CSMD1: variants seen among roughly 807,000 people sequenced by gnomAD.
The protein encoded by CSMD1 is CUB and sushi domain-containing protein 1.
In CSMD1, 213 loss-of-function variants were observed where a neutral mutation model predicts 417.5. The ratio of observed to expected loss-of-function variants is 0.51; its 90% CI spans 0.46 to 0.57. The LOEUF is 0.57. CSMD1 is among the 20% of genes least tolerant of loss of function. The pLI is 0.00. For synonymous variants in CSMD1, 2,862 were observed against 1,736.8 expected (o/e 1.65, Z -16.11); for missense variants, 6,923 against 4,529.7 (o/e 1.53, Z -15.17).
Position 4,624,801 on chromosome 8 carries a change from A to T in CSMD1, c.302+12541T>A, listed in dbSNP as rs566670384. Among the ~76,000 whole-genome samples, 15 of 152,274 alleles carry T rather than the reference A, an allele frequency of 9.9e-5. 1 individual carries two copies. The South Asian group carries it at 2.5e-3, about 25-fold the overall frequency. Reference sequence around the variant, plus strand: ...AGTTTGTGACCCTAGTCAAGTCCAGAAAGTGACCCACACAGACCTCAGAGT... The same window carrying T: ...AGTTTGTGACCCTAGTCAAGTCCAGTAAGTGACCCACACAGACCTCAGAGT... On this transcript the variant is annotated intron_variant, in intron 2 of 69. Transcript: ENST00000635120.
chr8:3,839,747 A>G (rs1037770311), intron 5 of CSMD1, among the ~76,000 whole-genome samples: 66 of 151,078 alleles, frequency 4.4e-4, no homozygotes, highest in African/African-American at 1.5e-3. Context: ...TGTTAAACCC[A>G]TGAGTGCTGC....
At chr8:4,131,912 G>GCAACCACAC (rs1353392743) in intron 3 of CSMD1, among the ~76,000 whole-genome samples, 2 of 151,808 alleles carry the variant, frequency 1.3e-5, no homozygotes, top group Non-Finnish European at 2.9e-5. Context: ...ACAGGTGCCC[G>GCAACCACAC]CAACCACACC....
chr8:3,603,073 G>A (rs1016131473), intron 8 of CSMD1, among the ~76,000 whole-genome samples: 2 of 152,190 alleles, frequency 1.3e-5, no homozygotes, highest in African/African-American at 2.4e-5. Flanking sequence ...ACACAAATAT[G>A]ATCTGAAACA....
intron 3 of CSMD1, among the ~76,000 whole-genome samples, chr8:4,146,171 C>A (rs1011803631): frequency 2.7e-5 from 4 of 150,852 alleles, no homozygotes; most frequent in African/African-American, 9.9e-5. Flanking sequence ...GCCTCATACT[C>A]CGCTGGCCAA....
chr8:3,309,691 GCTTT>G (rs1805177659), intron 23 of CSMD1, among the ~76,000 whole-genome samples: 3 of 152,134 alleles, frequency 2.0e-5, no homozygotes, highest in South Asian at 2.1e-4. Context: ...AACTTTGAAT[GCTTT>G]CTTTTCTCAA....
chr8:4,476,706 A>T (rs1036682878), intron 2 of CSMD1, among the ~76,000 whole-genome samples: 2 of 152,138 alleles, frequency 1.3e-5, no homozygotes, highest in Non-Finnish European at 1.5e-5. Flanking sequence ...TCCCGATTTC[A>T]CCACTCACTT....
intron 7 of CSMD1, among the ~76,000 whole-genome samples, chr8:3,663,617 C>G (rs986565630): frequency 1.3e-5 from 2 of 152,160 alleles, no homozygotes; most frequent in African/African-American, 4.8e-5. Context: ...CTGATTGCCT[C>G]CTTTGGAAAG....
At chr8:4,882,680 T>C (rs1228260827) in intron 1 of CSMD1, among the ~76,000 whole-genome samples, 1 of 151,942 alleles carries the variant, frequency 6.6e-6, no homozygotes, top group African/African-American at 2.4e-5. Flanking sequence ...ATTATTCCAT[T>C]TGATGTGCCG....
chr8:4,916,765 C>G (rs1346230933), intron 1 of CSMD1, among the ~76,000 whole-genome samples: 2 of 152,174 alleles, frequency 1.3e-5, no homozygotes, highest in Admixed American at 6.5e-5. Context: ...CATATTTTAA[C>G]AAAGTGACAG....
intron 2 of CSMD1, among the ~76,000 whole-genome samples, chr8:4,632,385 C>CA (rs34223839): frequency 6.6e-6 from 1 of 151,936 alleles, no homozygotes; most frequent in Non-Finnish European, 1.5e-5. Context: ...TGGTGGTGCA[C>CA]CCTGTAATCC....
intron 5 of CSMD1, among the ~76,000 whole-genome samples, chr8:3,784,309 C>T (rs951284780): frequency 1.3e-5 from 2 of 152,294 alleles, no homozygotes; most frequent in African/African-American, 2.4e-5. Context: ...TAAATATATA[C>T]TTTCTAATAT....
intron 5 of CSMD1, among the ~76,000 whole-genome samples, chr8:3,895,960 G>T (rs1441522703): frequency 6.6e-6 from 1 of 152,194 alleles, no homozygotes; most frequent in Non-Finnish European, 1.5e-5. Context: ...ACTTGTAAAA[G>T]ATAGTCCTGT....
At chr8:3,404,775 G>A (rs1812245938) in intron 15 of CSMD1, among the ~76,000 whole-genome samples, 1 of 137,764 alleles carries the variant, frequency 7.3e-6, no homozygotes, top group South Asian at 2.4e-4. Flanking sequence ...TGACACATGT[G>A]CCTGCATCCT....
At position 2,995,973 on chromosome 8, in the gene CSMD1, G is replaced by A. The variant is rs557849712; in HGVS notation, c.8377+2038C>T. On this transcript the variant is annotated intron_variant, in intron 54 of 69. Coordinates refer to ENST00000635120, the MANE Select transcript of CSMD1 (RefSeq NM_033225.6). ...AGTGATAATGGACATTCTCCATCTT[G>A]ACCACATCAATGTCCATATGCTGGT... Among the ~76,000 whole-genome samples the A allele has an allele frequency of 2.0e-5, 3 of 152,232 alleles. No homozygotes were observed. The South Asian group carries it at 6.2e-4, about 32-fold the overall frequency.
chr8:4,413,800 G>C (rs1796781343), intron 3 of CSMD1, among the ~76,000 whole-genome samples: 1 of 152,136 alleles, frequency 6.6e-6, no homozygotes, highest in Non-Finnish European at 1.5e-5. Context: ...TGGCAACTAA[G>C]CCTAGAGATA....
intron 3 of CSMD1, among the ~76,000 whole-genome samples, chr8:4,385,316 T>G (rs1227404846): frequency 6.6e-6 from 1 of 152,242 alleles, no homozygotes; most frequent in Non-Finnish European, 1.5e-5. Context: ...TGATGTAGTC[T>G]GACAGGCAGT....
At position 4,039,014 on chromosome 8, in the gene CSMD1, T is replaced by C. The variant is rs550206541; in HGVS notation, c.416-6915A>G. Among the ~76,000 whole-genome samples the C allele has an allele frequency of 2.6e-5, 4 of 151,970 alleles. No homozygotes were observed. The South Asian group carries it at 6.2e-4, about 24-fold the overall frequency. On this transcript the variant is annotated intron_variant, in intron 3 of 69. Coordinates refer to ENST00000635120, the MANE Select transcript of CSMD1 (RefSeq NM_033225.6). ...TGTTTCAATGGTTAAGTGGATGTCA[T>C]ATTAAGTATCTTTCCAAAAGAAAAG...
intron 54 of CSMD1, among the ~76,000 whole-genome samples, chr8:2,985,211 C>A (rs900248612): frequency 4.6e-5 from 7 of 152,172 alleles, no homozygotes; most frequent in African/African-American, 1.7e-4. Context: ...ATGTTCAAAG[C>A]TTTATTTTGT....
intron 2 of CSMD1, among the ~76,000 whole-genome samples, chr8:4,425,529 T>A (rs1479553841): frequency 6.6e-6 from 1 of 152,030 alleles, no homozygotes; most frequent in African/African-American, 2.4e-5. Context: ...GAGTAAGGAA[T>A]CTTATAAGGA....
Sources: allele counts gnomAD v4.1 joint callset (sites outside exome capture counted in the v4.1 genomes callset), GRCh38; gene constraint gnomAD v4.1.1; transcripts MANE v1.5; gene names NCBI Gene and HGNC (gene_info 2026-07-23, HGNC 2026-07-21).